Variants in SPIDR observed in about 807,000 individuals in gnomAD.
SPIDR encodes the protein DNA repair-scaffolding protein.
SPIDR carries 93 observed loss-of-function variants against 104.6 expected under a neutral mutation model. That is an observed-to-expected ratio of 0.89 (90% CI 0.75 to 1.06). SPIDR has a LOEUF of 1.06. Among genes scored for constraint, SPIDR ranks in the 50% least tolerant of loss-of-function variants. SPIDR has a pLI of 0.00. For synonymous variants in SPIDR, 431 were observed against 416.9 expected (o/e 1.03, Z -0.41); for missense variants, 1,154 against 1,111.2 (o/e 1.04, Z -0.55).
At chr8:47,294,380 C>T (rs1273815054) in intron 5 of SPIDR, 6 of 208,596 alleles carry the variant, frequency 2.9e-5, no homozygotes, top group Non-Finnish European at 5.8e-5. Flanking sequence ...AGCTGTCTTC[C>T]ACGAGTCCTC....
chr8:47,638,612 A>G (rs1357361657), intron 10 of SPIDR, among the ~76,000 whole-genome samples: 1 of 152,216 alleles, frequency 6.6e-6, no homozygotes, highest in African/African-American at 2.4e-5. Context: ...TGTTCTATAG[A>G]TAGACTTTAT....
chr8:47,485,569 G>C (rs898962244), intron 8 of SPIDR, among the ~76,000 whole-genome samples: 5 of 152,236 alleles, frequency 3.3e-5, no homozygotes, highest in Non-Finnish European at 7.3e-5. Context: ...GTGGGTCCTT[G>C]ACCCCCGAGT....
intron 5 of SPIDR, among the ~76,000 whole-genome samples, chr8:47,331,576 G>T (rs1554604545): frequency 2.6e-5 from 4 of 152,156 alleles, no homozygotes; most frequent in Non-Finnish European, 5.9e-5. Context: ...GAACTGAAAG[G>T]TGCTCTGGGT....
intron 8 of SPIDR, among the ~76,000 whole-genome samples, chr8:47,494,577 G>T (rs1010695054): frequency 2.0e-5 from 3 of 151,994 alleles, no homozygotes; most frequent in African/African-American, 7.3e-5. Flanking sequence ...TCTCTGATTT[G>T]ATCAGAAACA....
intron 5 of SPIDR, among the ~76,000 whole-genome samples, chr8:47,375,396 C>T (rs1470594368): frequency 1.3e-5 from 2 of 151,598 alleles, no homozygotes; most frequent in Non-Finnish European, 2.9e-5. Flanking sequence ...CGCACACCAC[C>T]GTGCCCAGCT....
intron 10 of SPIDR, among the ~76,000 whole-genome samples, chr8:47,636,317 T>C (rs1004843119): frequency 6.6e-6 from 1 of 151,990 alleles, no homozygotes; most frequent in African/African-American, 2.4e-5. Flanking sequence ...TGTTCCTCCA[T>C]CTCTTTCCCT....
intron 10 of SPIDR, among the ~76,000 whole-genome samples, chr8:47,617,988 C>CT: frequency 6.6e-6 from 1 of 152,270 alleles, no homozygotes; most frequent in East Asian, 1.9e-4. Context: ...CTTGCCACAG[C>CT]TTTGGGTACG....
intron 8 of SPIDR, chr8:47,592,109 A>C: frequency 7.4e-7 from 1 of 1,351,908 alleles, no homozygotes; most frequent in Non-Finnish European, 1.0e-6. Flanking sequence ...TTGGCAGAAC[A>C]GGAGAAGTGA....
At chr8:47,570,396 A>G (rs1037841277) in intron 8 of SPIDR, among the ~76,000 whole-genome samples, 15 of 152,240 alleles carry the variant, frequency 9.9e-5, no homozygotes, top group Non-Finnish European at 1.3e-4. Flanking sequence ...CCTTAAACAT[A>G]TACAAAAATT....
At chr8:47,726,367 G>A (rs1455645061) in intron 16 of SPIDR, among the ~76,000 whole-genome samples, 3 of 152,210 alleles carry the variant, frequency 2.0e-5, no homozygotes, top group Non-Finnish European at 2.9e-5. Context: ...GCCAAGAGTG[G>A]AAAGGAAGAC....
intron 5 of SPIDR, among the ~76,000 whole-genome samples, chr8:47,363,368 G>A (rs2056511797): frequency 1.3e-5 from 2 of 151,282 alleles, no homozygotes; most frequent in South Asian, 4.2e-4. Context: ...GCTACTCCCG[G>A]CTAATTTTTT....
At chr8:47,667,116 A>C (rs990971755) in intron 10 of SPIDR, among the ~76,000 whole-genome samples, 1 of 152,010 alleles carries the variant, frequency 6.6e-6, no homozygotes, top group Non-Finnish European at 1.5e-5. Context: ...CCCCGTCTCT[A>C]TTAAAACTAC....
intron 8 of SPIDR, among the ~76,000 whole-genome samples, chr8:47,510,126 G>A (rs1326438933): frequency 6.6e-6 from 1 of 152,182 alleles, no homozygotes; most frequent in East Asian, 1.9e-4. Context: ...TTGCAATGTG[G>A]GGGTTTTTTT....
intron 8 of SPIDR, among the ~76,000 whole-genome samples, chr8:47,444,513 G>A (rs1433250620): frequency 2.6e-5 from 4 of 152,104 alleles, no homozygotes; most frequent in Admixed American, 1.3e-4. Context: ...CATTCATATC[G>A]TCATCTTTTT....
intron 7 of SPIDR, among the ~76,000 whole-genome samples, chr8:47,426,775 T>TTA (rs2066486305): frequency 6.6e-6 from 1 of 152,192 alleles, no homozygotes; most frequent in Non-Finnish European, 1.5e-5. Context: ...CATCCTTTAA[T>TTA]GAGGAACCAA....
At chr8:47,489,012 C>A (rs1157211731) in intron 8 of SPIDR, among the ~76,000 whole-genome samples, 21 of 152,162 alleles carry the variant, frequency 1.4e-4, no homozygotes, top group Non-Finnish European at 2.6e-4. Context: ...GGCAGTCAGG[C>A]AGGAGAAAGA....
chr8:47,711,640 T>A (rs1234904556), intron 14 of SPIDR, among the ~76,000 whole-genome samples: 1 of 152,122 alleles, frequency 6.6e-6, no homozygotes, highest in Non-Finnish European at 1.5e-5. Context: ...GTGTGTATAT[T>A]CATCCACATA....
intron 10 of SPIDR, among the ~76,000 whole-genome samples, chr8:47,625,521 T>C (rs531318031): frequency 7.2e-5 from 11 of 152,358 alleles, no homozygotes; most frequent in African/African-American, 2.4e-4. Flanking sequence ...CTTAAGCTGA[T>C]AAGCAACTTC....
At chr8:47,477,902 C>T (rs1191474598) in intron 8 of SPIDR, among the ~76,000 whole-genome samples, 1 of 152,088 alleles carries the variant, frequency 6.6e-6, no homozygotes, top group Non-Finnish European at 1.5e-5. Flanking sequence ...GGGAGGCACC[C>T]CCAGGAAAGA....
Sources: gnomAD v4.1 joint callset for allele counts (sites outside exome capture counted in the v4.1 genomes callset) on GRCh38, gnomAD v4.1.1 for gene constraint, MANE v1.5 for transcripts, NCBI Gene and HGNC (gene_info 2026-07-23, HGNC 2026-07-21) for gene names.